TACR3: variants seen among roughly 807,000 people sequenced by gnomAD.
The protein encoded by TACR3 is tachykinin receptor 3.
Under a neutral mutation model 35.0 loss-of-function variants are expected in TACR3, and 34 were observed. The ratio of observed to expected loss-of-function variants is 0.97; its 90% CI spans 0.74 to 1.30. The LOEUF is 1.30. TACR3 is among the 50% of genes most tolerant of loss of function. The pLI is 0.00. For missense variants in TACR3, 558 were observed against 591.7 expected (o/e 0.94, Z 0.59); for synonymous variants, 233 against 221.1 (o/e 1.05, Z -0.48).
chr4:103,632,890 C>A (rs1338621243), intron 3 of TACR3, among the ~76,000 whole-genome samples: 1 of 151,888 alleles, frequency 6.6e-6, no homozygotes, highest in Admixed American at 6.6e-5. Flanking sequence ...GGCAAGATAA[C>A]TCTAAGTGAC....
rs1487931285 is a variant in TACR3, at chr4:103,713,969, G to A, written c.548+5159C>T. 4.6e-5 allele frequency among the ~76,000 whole-genome samples: 7 copies of A among 152,186 alleles called. 1 individual carries two copies. Among genetic ancestry groups the A allele is most frequent in the Admixed American group, 4.6e-4 (7 of 15,272 alleles). On this transcript the variant is annotated intron_variant, in intron 1 of 4. Transcript: ENST00000304883. ...ACTGAAATGTCCACTGGATTTCTCA[G>A]TGTGGCTCTTTGGACAGTGTTGGGA...
At chr4:103,704,035 C>T (rs184054558) in intron 1 of TACR3, among the ~76,000 whole-genome samples, 190 of 128,846 alleles carry the variant, frequency 1.5e-3, no homozygotes, top group African/African-American at 4.9e-3. Flanking sequence ...ACCCGGCAGG[C>T]GGAGCTTGCA....
chr4:103,698,836 G>A (rs190262154), intron 1 of TACR3, among the ~76,000 whole-genome samples: 1 of 152,176 alleles, frequency 6.6e-6, no homozygotes, highest in Non-Finnish European at 1.5e-5. Flanking sequence ...AAGAAATTGA[G>A]TAATGAATAC....
chr4:103,693,067 T>A (rs1722440077), intron 1 of TACR3, among the ~76,000 whole-genome samples: 1 of 152,188 alleles, frequency 6.6e-6, no homozygotes, highest in African/African-American at 2.4e-5. Flanking sequence ...AAGGACAGAA[T>A]TGCTAAATAT....
intron 3 of TACR3, among the ~76,000 whole-genome samples, chr4:103,601,086 G>C (rs548434202): frequency 6.6e-6 from 1 of 152,158 alleles, no homozygotes; most frequent in Non-Finnish European, 1.5e-5. Context: ...TTATTGTGTG[G>C]AGTCTAAGTC....
intron 1 of TACR3, among the ~76,000 whole-genome samples, chr4:103,700,509 A>G (rs963568752): frequency 6.6e-6 from 1 of 152,138 alleles, no homozygotes. Context: ...CACTACAAAC[A>G]CTGTGCTAAT....
At chr4:103,691,282 T>C (rs1257262462) in intron 1 of TACR3, among the ~76,000 whole-genome samples, 2 of 152,178 alleles carry the variant, frequency 1.3e-5, no homozygotes, top group African/African-American at 4.8e-5. Context: ...AAACAAACTC[T>C]TGATACACGG....
At chr4:103,687,879 C>G (rs1722285890) in intron 1 of TACR3, among the ~76,000 whole-genome samples, 1 of 152,096 alleles carries the variant, frequency 6.6e-6, no homozygotes, top group Non-Finnish European at 1.5e-5. Context: ...ACTTTCTTCA[C>G]AGAATTAGAA....
chr4:103,652,229 G>A (rs1725636304), intron 3 of TACR3, among the ~76,000 whole-genome samples: 1 of 152,106 alleles, frequency 6.6e-6, no homozygotes, highest in South Asian at 2.1e-4. Flanking sequence ...GAGGACTTTA[G>A]CCCACTGTGG....
intron 1 of TACR3, among the ~76,000 whole-genome samples, chr4:103,716,641 G>A (rs1376547186): frequency 6.6e-6 from 1 of 152,072 alleles, no homozygotes; most frequent in Non-Finnish European, 1.5e-5. Context: ...AGAGTCATAA[G>A]AGGCTGCAAC....
intron 3 of TACR3, among the ~76,000 whole-genome samples, chr4:103,606,342 T>A (rs984073510): frequency 6.6e-6 from 1 of 152,276 alleles, no homozygotes; most frequent in African/African-American, 2.4e-5. Context: ...TTTAAAGTAG[T>A]TTTTTCCAAT....
Position 103,589,660 on chromosome 4 carries a change from T to C in TACR3, c.*22A>G. Reference sequence around the variant, plus strand: ...TGGCACCATGATGGTCTCACACTAATCTTTTACCTCAGGAAATGGAATTAA... The same window carrying C: ...TGGCACCATGATGGTCTCACACTAACCTTTTACCTCAGGAAATGGAATTAA... On this transcript the variant is annotated 3_prime_UTR_variant, in exon 5 of 5. Coordinates refer to ENST00000304883, the MANE Select transcript of TACR3 (RefSeq NM_001059.3). 6.2e-7 allele frequency: 1 copy of C among 1,613,396 alleles called. No individual in the cohort carries two copies. The highest frequency in any genetic ancestry group is 8.5e-7 in the Non-Finnish European group (1 of 1,179,488).
intron 3 of TACR3, among the ~76,000 whole-genome samples, chr4:103,598,219 T>A (rs1334386781): frequency 3.3e-5 from 5 of 152,370 alleles, no homozygotes; most frequent in African/African-American, 1.2e-4. Flanking sequence ...GTGAGCATTT[T>A]TTCATGTGTT....
At chr4:103,595,901 T>A in intron 3 of TACR3, among the ~76,000 whole-genome samples, 1 of 68,698 alleles carries the variant, frequency 1.5e-5, no homozygotes, top group Non-Finnish European at 2.7e-5. Context: ...CCCTCCCCCC[T>A]CCCCCCACCC....
At chr4:103,678,815 C>T (rs1028845558) in intron 1 of TACR3, among the ~76,000 whole-genome samples, 7 of 150,356 alleles carry the variant, frequency 4.7e-5, no homozygotes, top group Non-Finnish European at 8.9e-5. Flanking sequence ...TTAACAGCTG[C>T]TTCTCTGTCC....
intron 3 of TACR3, among the ~76,000 whole-genome samples, chr4:103,637,293 T>A (rs935020237): frequency 4.6e-5 from 7 of 152,068 alleles, no homozygotes; most frequent in African/African-American, 1.7e-4. Flanking sequence ...CATACCCAAA[T>A]CAATAAATGT....
intron 3 of TACR3, among the ~76,000 whole-genome samples, chr4:103,652,429 C>A (rs913370464): frequency 6.6e-6 from 1 of 152,108 alleles, no homozygotes; most frequent in Non-Finnish European, 1.5e-5. Context: ...TCTCTCCATG[C>A]CACATGGCTG....
At chr4:103,669,613 T>A (rs1048607885) in intron 1 of TACR3, among the ~76,000 whole-genome samples, 2 of 152,124 alleles carry the variant, frequency 1.3e-5, no homozygotes, top group African/African-American at 2.4e-5. Flanking sequence ...AGCATTTTTT[T>A]AATATACTTG....
intron 3 of TACR3, among the ~76,000 whole-genome samples, chr4:103,618,914 A>G (rs950686001): frequency 1.1e-4 from 17 of 152,084 alleles, no homozygotes; most frequent in African/African-American, 4.1e-4. Flanking sequence ...GGTATATAGA[A>G]ATGCTATTGA....
Sources: gnomAD v4.1 joint callset for allele counts (sites outside exome capture counted in the v4.1 genomes callset) on GRCh38, gnomAD v4.1.1 for gene constraint, MANE v1.5 for transcripts, NCBI Gene and HGNC (gene_info 2026-07-23, HGNC 2026-07-21) for gene names.